ZNF487: variants seen among roughly 807,000 people sequenced by gnomAD.
The protein encoded by ZNF487 is KRAB domain only 1.
In ZNF487, 4 loss-of-function variants were observed where a neutral mutation model predicts 3.0. The observed-to-expected ratio is 1.35, with a 90% CI of 0.66 to 3.08. The LOEUF (loss-of-function observed/expected upper bound fraction) is 3.08, where lower values mean the gene tolerates loss of function less well. ZNF487 is among the 30% of genes most tolerant of loss of function. The probability of loss-of-function intolerance (pLI) is 0.01; values close to 1 mark genes in which losing one functional copy is unlikely to be tolerated. For missense variants in ZNF487, 146 were observed against 98.7 expected (o/e 1.48, Z -2.03); for synonymous variants, 55 against 34.6 (o/e 1.59, Z -2.06).
At chr10:43,503,027 C>CA in the ZNF487 span, among the ~76,000 whole-genome samples, 238 of 95,668 alleles carry the variant, frequency 2.5e-3, 2 homozygotes, top group African/African-American at 6.7e-3. Flanking sequence ...GACCCTGTCT[C>CA]AAAAAAAAAA....
At chr10:43,489,263 C>T in the ZNF487 span, among the ~76,000 whole-genome samples, 1 of 151,772 alleles carries the variant, frequency 6.6e-6, no homozygotes, top group South Asian at 2.1e-4. Flanking sequence ...CCAACCTGGC[C>T]AACATAGAAA....
At chr10:43,492,533 G>C in the ZNF487 span, among the ~76,000 whole-genome samples, 1 of 150,148 alleles carries the variant, frequency 6.7e-6, no homozygotes, top group South Asian at 2.1e-4. Context: ...CTCACTGCAA[G>C]CTCCACCTCC....
Position 43,482,847 on chromosome 10 carries a change from G to C in ZNF487, c.*925G>C, listed in dbSNP as rs564093035. On this transcript the variant is annotated 3_prime_UTR_variant, in exon 4 of 4. Coordinates refer to ENST00000437590, the MANE Select transcript of ZNF487 (RefSeq NM_001355444.3). ...GAAACCCTATGAATGTAATGAATGTGAGAAAATGTTCTACCACAAGTCATC... is the reference window on the plus strand; with the variant it reads ...GAAACCCTATGAATGTAATGAATGTCAGAAAATGTTCTACCACAAGTCATC... The C allele has an allele frequency of 1.9e-6, 1 of 528,476 alleles. No homozygotes were observed. The highest frequency in any genetic ancestry group is 5.5e-5 in the East Asian group (1 of 18,108). The allele number at this position is 528,476 out of a possible 1,614,324, so 32.7% of individuals were successfully genotyped here. A position where few individuals can be genotyped will look rare whatever the true frequency, so the allele number is the denominator to read the frequency against.
At chr10:43,516,023 G>A in the ZNF487 span, among the ~76,000 whole-genome samples, 111 of 152,090 alleles carry the variant, frequency 7.3e-4, 1 homozygote, top group African/African-American at 2.3e-3. Flanking sequence ...CTCGTGATCC[G>A]CCCGCCTTGG....
the ZNF487 span, among the ~76,000 whole-genome samples, chr10:43,493,485 AG>A: frequency 6.6e-6 from 1 of 151,592 alleles, no homozygotes; most frequent in East Asian, 1.9e-4. Flanking sequence ...GCCTGAGACT[AG>A]GAGTTCAGAT....
the ZNF487 span, among the ~76,000 whole-genome samples, chr10:43,491,392 A>C: frequency 3.3e-5 from 5 of 151,700 alleles, no homozygotes; most frequent in South Asian, 8.3e-4. Flanking sequence ...GGGTTCCCTC[A>C]GACCTGGCCC....
the ZNF487 span, among the ~76,000 whole-genome samples, chr10:43,505,042 T>C: frequency 6.6e-6 from 1 of 151,420 alleles, no homozygotes. Flanking sequence ...GGAGTATTGC[T>C]GTGTTGCTCA....
At chr10:43,496,750 C>G in the ZNF487 span, among the ~76,000 whole-genome samples, 309 of 152,252 alleles carry the variant, frequency 2.0e-3, 3 homozygotes, top group Admixed American at 0.016. Flanking sequence ...CTGGTGAGGG[C>G]CCTCTTCCAG....
intron 1 of ZNF487, among the ~76,000 whole-genome samples, chr10:43,455,684 G>C (rs1490193881): frequency 6.6e-6 from 1 of 152,248 alleles, no homozygotes; most frequent in East Asian, 1.9e-4. Flanking sequence ...CCATTTCCGA[G>C]AGTGGCAGGG....
At chr10:43,487,929 C>CAAAAAAAAAAAAAAA (rs76705594), downstream of ZNF487, among the ~76,000 whole-genome samples, 3 of 40,444 alleles carry the variant, frequency 7.4e-5, no homozygotes, top group African/African-American at 1.9e-4. Context: ...TACCAAAATA[C>CAAAAAAAAAAAAAAA]AAAAAAAAAA....
At chr10:43,473,550 G>A (rs1326672315) in intron 1 of ZNF487, among the ~76,000 whole-genome samples, 3 of 148,810 alleles carry the variant, frequency 2.0e-5, no homozygotes, top group African/African-American at 7.5e-5. Flanking sequence ...ATGGAGTCTT[G>A]CTTTGTTGCC....
chr10:43,484,314 A>G (rs1262534467), downstream of ZNF487, among the ~76,000 whole-genome samples: 1 of 152,024 alleles, frequency 6.6e-6, no homozygotes, highest in African/African-American at 2.4e-5. Context: ...ACTGATCAAG[A>G]TAAGAATTTG....
chr10:43,459,163 G>A (rs1048888436), intron 1 of ZNF487, among the ~76,000 whole-genome samples: 4 of 151,996 alleles, frequency 2.6e-5, no homozygotes, highest in Admixed American at 6.6e-5. Context: ...TGTCTTGTCC[G>A]TGAAGTCTTC....
Position 43,476,302 on chromosome 10 carries a change from G to A in ZNF487, c.130+100G>A, listed in dbSNP as rs753940202. The A allele has an allele frequency of 2.8e-4, 177 of 630,474 alleles. 1 individual carries two copies. Among genetic ancestry groups the A allele is most frequent in the Admixed American group, 3.2e-4 (12 of 36,978 alleles). The allele number at this position is 630,474 out of a possible 1,614,324, so 39.1% of individuals were successfully genotyped here. ...CATCTTTGAAATTTTTCAGAGATATGTTTTTAGAGTTACCAGAACTTTGGA... is the reference window on the plus strand; with the variant it reads ...CATCTTTGAAATTTTTCAGAGATATATTTTTAGAGTTACCAGAACTTTGGA... On this transcript the variant is annotated intron_variant, in intron 3 of 3. Transcript: ENST00000437590.
chr10:43,505,125 TC>T, the ZNF487 span, among the ~76,000 whole-genome samples: 1 of 152,102 alleles, frequency 6.6e-6, no homozygotes, highest in Admixed American at 6.6e-5. Flanking sequence ...GCTCAAGCGT[TC>T]CTCCTGCCTC....
chr10:43,488,273 A>G, the ZNF487 span, among the ~76,000 whole-genome samples: 3 of 152,200 alleles, frequency 2.0e-5, no homozygotes, highest in African/African-American at 7.2e-5. Context: ...AATTGTAAGG[A>G]GAATACATGA....
At chr10:43,469,107 C>A (rs2132118165) in intron 1 of ZNF487, among the ~76,000 whole-genome samples, 1 of 151,998 alleles carries the variant, frequency 6.6e-6, no homozygotes, top group African/African-American at 2.4e-5. Flanking sequence ...AGCAAACCAC[C>A]ACTAGCAGTC....
the ZNF487 span, among the ~76,000 whole-genome samples, chr10:43,506,413 G>A: frequency 7.9e-5 from 12 of 152,062 alleles, no homozygotes; most frequent in Non-Finnish European, 1.8e-4. Flanking sequence ...CTGAGGCAGG[G>A]TGATCACTTG....
chr10:43,489,423 G>T, the ZNF487 span, among the ~76,000 whole-genome samples: 10,981 of 152,028 alleles, frequency 0.072, 553 homozygotes, highest in East Asian at 0.2. Context: ...ATGTGATCTC[G>T]GCTCACTGCA....
Sources: allele counts gnomAD v4.1 joint callset (sites outside exome capture counted in the v4.1 genomes callset), GRCh38; gene constraint gnomAD v4.1.1; transcripts MANE v1.5; gene names NCBI Gene and HGNC (gene_info 2026-07-23, HGNC 2026-07-21).